KANSL1: variants seen among roughly 807,000 people sequenced by gnomAD.
KANSL1 encodes KAT8 regulatory NSL complex subunit 1, also known as MLL1/MLL complex subunit KANSL1.
Under a neutral mutation model 103.6 loss-of-function variants are expected in KANSL1, and 22 were observed. The ratio of observed to expected loss-of-function variants is 0.21; its 90% CI spans 0.15 to 0.30. The LOEUF (loss-of-function observed/expected upper bound fraction) is 0.30. Among genes scored for constraint, KANSL1 ranks in the 10% least tolerant of loss-of-function variants. KANSL1 has a pLI of 1.00. For synonymous variants in KANSL1, 600 were observed against 527.6 expected (o/e 1.14, Z -1.88); for missense variants, 1,337 against 1,399.8 (o/e 0.96, Z 0.72).
intron 6 of KANSL1, among the ~76,000 whole-genome samples, chr17:46,060,061 CTTAA>C (rs1196884654): frequency 6.6e-6 from 1 of 152,150 alleles, no homozygotes; most frequent in African/African-American, 2.4e-5. Context: ...CCCACGTTCC[CTTAA>C]TTAATACTGC....
At chr17:46,131,990 G>A (rs1446584636) in intron 2 of KANSL1, among the ~76,000 whole-genome samples, 8 of 152,144 alleles carry the variant, frequency 5.3e-5, no homozygotes, top group African/African-American at 1.2e-4. Context: ...AACTGGGCAT[G>A]ACGGCGCGTG....
intron 4 of KANSL1, among the ~76,000 whole-genome samples, chr17:46,073,877 T>A (rs1166450466): frequency 6.6e-6 from 1 of 152,132 alleles, no homozygotes; most frequent in African/African-American, 2.4e-5. Flanking sequence ...TGTGAGACTA[T>A]ACGGGTACTA....
At position 46,183,081 on chromosome 17, in the gene KANSL1, G is replaced by A. The variant is rs2046862790; in HGVS notation, c.-90+9742C>T. Among the ~76,000 whole-genome samples the A allele has an allele frequency of 2.6e-5, 4 of 152,342 alleles. No individual in the cohort carries two copies. The South Asian group carries it at 8.3e-4, about 32-fold the overall frequency. Reference sequence around the variant, plus strand: ...CAATCCTCATACAGGCTGAGAAGTAGGCGGAGTCAGAAAATGCTTTTCAGA... The same window carrying A: ...CAATCCTCATACAGGCTGAGAAGTAAGCGGAGTCAGAAAATGCTTTTCAGA... On this transcript the variant is annotated intron_variant, in intron 1 of 14. Transcript: ENST00000432791.
In KANSL1 at chr17:46,067,899, CAGG is replaced by C. The variant is rs572255847; in HGVS notation, c.1534-235_1534-233del. ...CCAAGGCAGGAGGATCGCTTGAGAC[CAGG>C]AGTTTTGAGACCAGCCTGGGCAACA... On this transcript the variant is annotated intron_variant, in intron 4 of 14. Coordinates refer to ENST00000432791, the MANE Select transcript of KANSL1 (RefSeq NM_015443.4). Among the ~76,000 whole-genome samples the C allele has an allele frequency of 1.5e-4, 23 of 152,166 alleles. No homozygotes were observed. In the East Asian group the frequency reaches 3.7e-3, roughly 24 times the overall value.
rs577276340 is a variant in KANSL1, at chr17:46,115,449, T to A, written c.1290-20748A>T. On this transcript the variant is annotated intron_variant, in intron 2 of 14. Coordinates refer to ENST00000432791, the MANE Select transcript of KANSL1 (RefSeq NM_015443.4). ...GAGAAAATAGTATAAAGCTATCGAG[T>A]GTCAACAGTTCTATATTACCCCCGT... Among the ~76,000 whole-genome samples, 349 of 146,552 alleles carry A rather than the reference T, an allele frequency of 2.4e-3. 1 individual carries two copies. The highest frequency in any genetic ancestry group is 8.3e-3 in the African/African-American group (326 of 39,048).
upstream of KANSL1, among the ~76,000 whole-genome samples, chr17:46,195,529 A>G (rs1377696984): frequency 6.6e-6 from 1 of 152,236 alleles, no homozygotes; most frequent in Non-Finnish European, 1.5e-5. Context: ...GTATATTCTT[A>G]TCTAAAATCA....
At chr17:46,155,597 T>C (rs2045379588) in intron 2 of KANSL1, among the ~76,000 whole-genome samples, 1 of 152,212 alleles carries the variant, frequency 6.6e-6, no homozygotes, top group Non-Finnish European at 1.5e-5. Context: ...CATCAGGCAT[T>C]CTTACAGTGC....
intron 2 of KANSL1, among the ~76,000 whole-genome samples, chr17:46,121,171 C>T (rs1207095411): frequency 6.6e-6 from 1 of 150,500 alleles, no homozygotes; most frequent in East Asian, 2.1e-4. Flanking sequence ...ATAGTAGCCC[C>T]CTAACTCTTT....
chr17:46,077,305 G>T (rs1251319945), intron 4 of KANSL1, among the ~76,000 whole-genome samples: 2 of 152,136 alleles, frequency 1.3e-5, no homozygotes, highest in Admixed American at 1.3e-4. Context: ...CGCCCACCTT[G>T]GCCTCCCAGA....
intron 6 of KANSL1, among the ~76,000 whole-genome samples, chr17:46,058,456 A>G (rs1359348253): frequency 1.3e-5 from 2 of 152,254 alleles, no homozygotes; most frequent in East Asian, 3.8e-4. Context: ...GCCTCTTTAA[A>G]GGAAGATGGC....
Position 46,058,731 on chromosome 17 carries a change from ACACACACACACACTCTCTCT to A in KANSL1, c.1848+7786_1848+7805del, listed in dbSNP as rs1237172374. 5.7e-5 allele frequency among the ~76,000 whole-genome samples: 5 copies of A among 87,002 alleles called. No homozygotes were observed. In the East Asian group the frequency reaches 7.7e-4, roughly 13 times the overall value. 57.1% of individuals were successfully genotyped at this position (87,002 alleles called of 152,430 possible). On this transcript the variant is annotated intron_variant, in intron 6 of 14. Transcript: ENST00000432791. ...TTAAAACACACACACACACACACAC[ACACACACACACACTCTCTCT>A]CTCTCTCTCTCTCTCTCTCTCTCTC...
chr17:46,059,051 AAAAAAAAAAAGAAAGAAAG>A (rs1414322348), intron 6 of KANSL1, among the ~76,000 whole-genome samples: 2 of 144,202 alleles, frequency 1.4e-5, no homozygotes, highest in Non-Finnish European at 3.1e-5. Context: ...CATCTCGGAA[AAAAAAAAAAAGAAAGAAAG>A]AAAAAAAAAA....
At chr17:46,140,958 C>T (rs2044390154) in intron 2 of KANSL1, among the ~76,000 whole-genome samples, 1 of 151,978 alleles carries the variant, frequency 6.6e-6, no homozygotes, top group African/African-American at 2.4e-5. Flanking sequence ...GGAAAACAGG[C>T]AGTTCCTCAA....
intron 1 of KANSL1, among the ~76,000 whole-genome samples, chr17:46,199,589 T>C (rs1434638896): frequency 6.6e-6 from 1 of 152,222 alleles, no homozygotes; most frequent in Non-Finnish European, 1.5e-5. Flanking sequence ...TTCATTTCAA[T>C]CCAACCTAAC....
intron 2 of KANSL1, among the ~76,000 whole-genome samples, chr17:46,147,525 G>C (rs1280273571): frequency 7.3e-6 from 1 of 136,200 alleles, no homozygotes; most frequent in African/African-American, 2.8e-5. Flanking sequence ...AGTGGGCAGA[G>C]ATCATACCAC....
chr17:46,093,820 C>T (rs1457943701), intron 3 of KANSL1: 1 of 152,200 alleles, frequency 6.6e-6, no homozygotes, highest in Admixed American at 6.5e-5. Flanking sequence ...AAATACTTTG[C>T]AAGAATGTAA....
Position 46,082,458 on chromosome 17 carries a change from G to C in KANSL1, c.1516C>G (p.His506Asp), listed in dbSNP as rs1743418805. ...LPLSSEVKTD[H>D]GTDKLIESVS... is the part of the protein sequence containing the mutation. ...ATACTTACCAATTTATCAGTCCCAT[G>C]ATCTGTCTTCACCTCAGAACTAAGT... The change falls in exon 4 of 15, where the codon CAT becomes GAT. Residue 506 changes from histidine (H) to aspartate (D), a missense_variant. Physicochemically the swap from His to Asp is moderately conservative, Grantham distance 81 (BLOSUM62 -1). Around this residue, in one of 2 missense-constraint regions of KANSL1, gnomAD observed 780 missense variants for 923.4 expected, o/e 0.84. Coordinates refer to ENST00000432791, the MANE Select transcript of KANSL1 (RefSeq NM_015443.4). The C allele has an allele frequency of 1.2e-6, 2 of 1,608,756 alleles. No homozygotes were observed. The highest frequency in any genetic ancestry group is 1.3e-5 in the African/African-American group (1 of 74,932).
At chr17:46,091,459 GTATTTA>G (rs1164279617) in intron 3 of KANSL1, among the ~76,000 whole-genome samples, 5 of 151,754 alleles carry the variant, frequency 3.3e-5, no homozygotes, top group African/African-American at 1.2e-4. Context: ...TCGGTGTACA[GTATTTA>G]TAAAGTTTAT....
chr17:46,128,327 T>A (rs2043675452), intron 2 of KANSL1, among the ~76,000 whole-genome samples: 2 of 152,182 alleles, frequency 1.3e-5, no homozygotes, highest in East Asian at 3.9e-4. Context: ...ATTCACTCGA[T>A]TCAAGCATTT....
Sources: gnomAD v4.1 joint callset for allele counts (sites outside exome capture counted in the v4.1 genomes callset) on GRCh38, gnomAD v4.1.1 for gene constraint, gnomAD v4.1.1 regional missense constraint, MANE v1.5 for transcripts, NCBI Gene and HGNC (gene_info 2026-07-23, HGNC 2026-07-21) for gene names.